LIFR: variants seen among roughly 807,000 people sequenced by gnomAD.
LIFR encodes leukemia inhibitory factor receptor.
In LIFR, 84 loss-of-function variants were observed where a neutral mutation model predicts 122.2. The ratio of observed to expected loss-of-function variants is 0.69; its 90% CI spans 0.58 to 0.82. LIFR has a LOEUF of 0.82. Among genes scored for constraint, LIFR ranks in the 40% least tolerant of loss-of-function variants. The pLI is 0.00. For missense variants in LIFR, 1,294 were observed against 1,311.6 expected, an observed-to-expected ratio of 0.99 and a Z score of 0.21; for synonymous variants, 422 against 434.7, an observed-to-expected ratio of 0.97 and a Z score of 0.36.
chr5:38,482,082 C>G lies in LIFR; in HGVS notation c.2807G>C (p.Arg936Pro). ...ISPVAERPEDRSDAEPENHVV... is the reference protein window; with the variant it reads ...ISPVAERPEDPSDAEPENHVV... ...ATGGTTTTCAGGCTCTGCATCAGAG[C>G]GATCTTCAGGACGCTCAGCTACTGG... The change falls in exon 20 of 20, where the codon CGC becomes CCC. Residue 936 changes from arginine to proline, a missense_variant. Coordinates refer to ENST00000453190, the MANE Select transcript of LIFR (RefSeq NM_001127671.2). 6.2e-7 allele frequency: 1 copy of G among 1,601,000 alleles called. No homozygotes were observed. The highest frequency in any genetic ancestry group is 1.1e-5 in the South Asian group (1 of 88,554).
Position 38,578,207 on chromosome 5 carries a change from C to CTTTTTTTT in LIFR, c.-20+17046_-20+17053dup, listed in dbSNP as rs3079294. On this transcript the variant is annotated intron_variant, in intron 1 of 19. Coordinates refer to the LIFR transcript ENST00000263409. The stretch of plus-strand genomic sequence containing the variant: ...TTTCTTTTCTTTTCTTTTTCTTTTT[C>CTTTTTTTT]TTTTTTTTTTTTTTTTGAGACAGAG... Among the ~76,000 whole-genome samples the CTTTTTTTT allele has an allele frequency of 9.1e-4, 112 of 123,404 alleles. 3 individuals are homozygous for CTTTTTTTT. The highest frequency in any genetic ancestry group is 1.1e-3 in the Non-Finnish European group (70 of 60,998). The allele number at this position is 123,404 out of a possible 152,430, so 81.0% of individuals were successfully genotyped here. A position where few individuals can be genotyped will look rare whatever the true frequency, so the allele number is the denominator to read the frequency against.
chr5:38,543,370 G>A (rs1015817350), intron 1 of LIFR, among the ~76,000 whole-genome samples: 2 of 152,162 alleles, frequency 1.3e-5, no homozygotes, highest in African/African-American at 2.4e-5. Flanking sequence ...AAGTATTGTG[G>A]CTCGTAAGGA....
At chr5:38,586,814 G>T (rs570841896) in intron 1 of LIFR, among the ~76,000 whole-genome samples, 1 of 151,940 alleles carries the variant, frequency 6.6e-6, no homozygotes, top group Non-Finnish European at 1.5e-5. Flanking sequence ...GTTTCAACTC[G>T]TTCTGCTTTA....
intron 18 of LIFR, among the ~76,000 whole-genome samples, chr5:38,483,880 C>T (rs956309462): frequency 6.6e-6 from 1 of 152,126 alleles, no homozygotes. Context: ...TTTTTAAGGT[C>T]GGTGAGGACT....
intron 2 of LIFR, 38 bp downstream of exon 2, chr5:38,530,468 T>C (rs1311313720): frequency 2.5e-6 from 4 of 1,575,502 alleles, no homozygotes; most frequent in Non-Finnish European, 3.5e-6. Context: ...GAAATAAAAC[T>C]GCAATCTGTT....
upstream of LIFR, among the ~76,000 whole-genome samples, chr5:38,561,572 G>A (rs1748840714): frequency 1.3e-5 from 2 of 152,124 alleles, 1 homozygote; most frequent in Non-Finnish European, 2.9e-5. Flanking sequence ...CTTAGAAGTT[G>A]TCTTATTGTA....
intron 5 of LIFR, among the ~76,000 whole-genome samples, chr5:38,519,888 G>T (rs1400143255): frequency 6.6e-6 from 1 of 152,140 alleles, no homozygotes; most frequent in African/African-American, 2.4e-5. Context: ...CACTTAGGTT[G>T]ATTCCACATA....
In LIFR at chr5:38,493,602, T is replaced by C; in HGVS notation, c.2065+4A>G. 6.2e-7 allele frequency: 1 copy of C among 1,613,176 alleles called. No individual in the cohort carries two copies. Among genetic ancestry groups the C allele is most frequent in the Non-Finnish European group, 8.5e-7 (1 of 1,179,066 alleles). ...CTTAATTGAGAGACACTAATTCATC[T>C]TACCAGATTCTATTACAGTTTCAGT... On this transcript the variant is annotated splice_donor_region_variant and intron_variant, in intron 14 of 19. Coordinates refer to ENST00000453190, the MANE Select transcript of LIFR (RefSeq NM_001127671.2).
In LIFR at chr5:38,553,627, T is replaced by C. The variant is rs1378288785; in HGVS notation, c.-20+2707A>G. On this transcript the variant is annotated intron_variant, in intron 1 of 19. Coordinates refer to ENST00000453190, the MANE Select transcript of LIFR (RefSeq NM_001127671.2). ...AGGAGTTTGGACCATTTAAACTATA[T>C]ATATATATATATATATATATATATA... 1.3e-4 allele frequency among the ~76,000 whole-genome samples: 4 copies of C among 31,040 alleles called. No individual in the cohort carries two copies. The East Asian group carries it at 5.1e-3, about 40-fold the overall frequency. The allele number at this position is 31,040 out of a possible 152,430, so 20.4% of individuals were successfully genotyped here.
intron 1 of LIFR, among the ~76,000 whole-genome samples, chr5:38,562,962 G>A (rs1482704279): frequency 1.3e-5 from 2 of 152,106 alleles, no homozygotes; most frequent in South Asian, 2.1e-4. Flanking sequence ...TATCCCCAGG[G>A]TTTTCTTCGG....
chr5:38,483,371 CTTATT>C (rs1414493258), intron 18 of LIFR, among the ~76,000 whole-genome samples: 1 of 151,942 alleles, frequency 6.6e-6, no homozygotes, highest in East Asian at 1.9e-4. Context: ...AAACTCCCTT[CTTATT>C]TTGTCTTTTT....
At chr5:38,563,460 A>G (rs1027737854) in intron 1 of LIFR, among the ~76,000 whole-genome samples, 1 of 152,242 alleles carries the variant, frequency 6.6e-6, no homozygotes, top group Non-Finnish European at 1.5e-5. Context: ...TGTGTTTTAT[A>G]TATGTAGATA....
intron 1 of LIFR, among the ~76,000 whole-genome samples, chr5:38,533,986 GAA>G (rs1311108303): frequency 6.6e-6 from 1 of 152,212 alleles, no homozygotes; most frequent in Non-Finnish European, 1.5e-5. Flanking sequence ...ACTCGAGGGA[GAA>G]AAGACTCTGA....
intron 1 of LIFR, among the ~76,000 whole-genome samples, chr5:38,550,715 C>T (rs1011567345): frequency 1.3e-5 from 2 of 152,108 alleles, no homozygotes; most frequent in African/African-American, 2.4e-5. Context: ...TGGTAAATCT[C>T]GCAAAAGTTC....
chr5:38,490,054 C>A (rs1744497520), intron 15 of LIFR, 136 bp downstream of exon 15: 251 of 193,736 alleles, frequency 1.3e-3, no homozygotes, highest in East Asian at 2.6e-3. Flanking sequence ...TAATCAAATA[C>A]TTTTTAATTT....
chr5:38,579,411 A>G (rs913001326), intron 1 of LIFR: 4 of 152,186 alleles, frequency 2.6e-5, no homozygotes, highest in East Asian at 3.8e-4. Flanking sequence ...ATAATCTGCT[A>G]TATAGGACAT....
At chr5:38,510,386 C>CA in intron 7 of LIFR, 78 bp downstream of exon 7, 1 of 1,280,938 alleles carries the variant, frequency 7.8e-7, no homozygotes, top group South Asian at 1.2e-5. Context: ...CCCACCCCCC[C>CA]ACTCCAGAAG....
chr5:38,549,723 G>A (rs1189313117), intron 1 of LIFR, among the ~76,000 whole-genome samples: 5 of 152,168 alleles, frequency 3.3e-5, no homozygotes, highest in Admixed American at 2.0e-4. Flanking sequence ...CCCAGGAGGC[G>A]GAGCTTGCAG....
intron 1 of LIFR, among the ~76,000 whole-genome samples, chr5:38,582,248 A>G (rs2112742767): frequency 6.6e-6 from 1 of 151,994 alleles, no homozygotes; most frequent in East Asian, 1.9e-4. Flanking sequence ...TCCAGTTCCA[A>G]GCATCTCAGA....
Sources: gnomAD v4.1 joint callset for allele counts (sites outside exome capture counted in the v4.1 genomes callset) on GRCh38, gnomAD v4.1.1 for gene constraint, MANE v1.5 for transcripts, NCBI Gene and HGNC (gene_info 2026-07-23, HGNC 2026-07-21) for gene names.